The following GPC6 variants were observed in gnomAD, a reference collection of about 807,000 sequenced individuals.
The protein encoded by GPC6 is glypican 6.
A neutral mutation model predicts 55.2 loss-of-function variants in GPC6; 14 were observed. The observed-to-expected ratio is 0.25, with a 90% CI of 0.17 to 0.40. The LOEUF (loss-of-function observed/expected upper bound fraction) is 0.40. GPC6 is among the 10% of genes least tolerant of loss of function. The pLI, the probability that GPC6 is intolerant of heterozygous loss-of-function variation, is 1.00. For missense variants in GPC6, 641 were observed against 708.5 expected (o/e 0.90, Z 1.08); for synonymous variants, 278 against 259.6 (o/e 1.07, Z -0.68).
chr13:94,297,646 A>G (rs1315250002), intron 5 of GPC6, among the ~76,000 whole-genome samples: 5 of 152,232 alleles, frequency 3.3e-5, no homozygotes, highest in Non-Finnish European at 7.3e-5. Flanking sequence ...AATACATCCG[A>G]CAGATATTCT....
intron 1 of GPC6, among the ~76,000 whole-genome samples, chr13:93,481,380 G>A (rs369433496): frequency 6.6e-6 from 1 of 151,922 alleles, no homozygotes; most frequent in East Asian, 1.9e-4. Flanking sequence ...CTCTCATTCT[G>A]TGTATTGTCT....
At chr13:93,275,980 T>C (rs1197715951) in intron 1 of GPC6, among the ~76,000 whole-genome samples, 4 of 152,136 alleles carry the variant, frequency 2.6e-5, no homozygotes, top group Non-Finnish European at 5.9e-5. Context: ...GTTCACGCCA[T>C]TCTCCTGCCT....
At chr13:93,767,923 T>A (rs1340940607) in intron 2 of GPC6, among the ~76,000 whole-genome samples, 6 of 152,112 alleles carry the variant, frequency 3.9e-5, no homozygotes, top group Admixed American at 3.9e-4. Context: ...TCGTTTTTCT[T>A]TTTTCCCCCT....
At chr13:94,069,326 G>A (rs1884646996) in intron 4 of GPC6, among the ~76,000 whole-genome samples, 1 of 152,064 alleles carries the variant, frequency 6.6e-6, no homozygotes, top group Non-Finnish European at 1.5e-5. Context: ...CACACAACAT[G>A]GGGACCCTGG....
intron 4 of GPC6, among the ~76,000 whole-genome samples, chr13:94,097,523 A>AAAAAAAAG (rs1885710984): frequency 6.6e-6 from 1 of 151,752 alleles, no homozygotes; most frequent in African/African-American, 2.4e-5. Context: ...AAAAAAAAAA[A>AAAAAAAAG]AAAAAGAGGC....
intron 3 of GPC6, among the ~76,000 whole-genome samples, chr13:93,986,589 T>C (rs983297297): frequency 6.6e-6 from 1 of 152,168 alleles, no homozygotes; most frequent in African/African-American, 2.4e-5. Context: ...ATTATACATA[T>C]CCATTATCTA....
At chr13:94,266,026 A>T (rs1048524106) in intron 4 of GPC6, among the ~76,000 whole-genome samples, 2 of 152,074 alleles carry the variant, frequency 1.3e-5, no homozygotes, top group African/African-American at 4.8e-5. Flanking sequence ...TGCTCACTGG[A>T]TGTTTCCGCT....
intron 2 of GPC6, among the ~76,000 whole-genome samples, chr13:93,687,602 T>G (rs1405154994): frequency 6.6e-6 from 1 of 152,128 alleles, no homozygotes; most frequent in Non-Finnish European, 1.5e-5. Flanking sequence ...TTAATCTCTG[T>G]TGCTTAGCTT....
Position 93,901,648 on chromosome 13 carries a change from A to T in GPC6, c.711+71103A>T, listed in dbSNP as rs9589864. Among the ~76,000 whole-genome samples, 753 of 152,204 alleles carry T rather than the reference A, an allele frequency of 4.9e-3. 11 individuals are homozygous for T. Among genetic ancestry groups the T allele is most frequent in the African/African-American group, 0.017 (722 of 41,524 alleles). On this transcript the variant is annotated intron_variant, in intron 3 of 8. Coordinates refer to ENST00000377047, the MANE Select transcript of GPC6 (RefSeq NM_005708.5). ...CTGGGCACGGTGGTTCACGCCTGTA[A>T]TCCCAGCACTTTGGAAGGCAGAGGT... is the stretch of plus-strand genomic sequence containing the variant.
chr13:93,938,937 A>T (rs548857581), intron 3 of GPC6, among the ~76,000 whole-genome samples: 5 of 152,174 alleles, frequency 3.3e-5, no homozygotes, highest in Admixed American at 2.6e-4. Flanking sequence ...CCCCGTCTCT[A>T]CTAAAAATAC....
chr13:93,828,414 T>A (rs562811543), intron 2 of GPC6, among the ~76,000 whole-genome samples: 2 of 152,178 alleles, frequency 1.3e-5, no homozygotes, highest in East Asian at 1.9e-4. Flanking sequence ...ACTAGATAAC[T>A]AGCATTTTTG....
chr13:94,198,699 A>G (rs1021600117), intron 4 of GPC6, among the ~76,000 whole-genome samples: 1 of 152,170 alleles, frequency 6.6e-6, no homozygotes, highest in African/African-American at 2.4e-5. Context: ...TCTTTAGGGA[A>G]GTGTACTGTT....
At chr13:94,090,299 G>A (rs536000714) in intron 4 of GPC6, among the ~76,000 whole-genome samples, 75 of 152,118 alleles carry the variant, frequency 4.9e-4, no homozygotes, top group African/African-American at 1.7e-3. Context: ...ACCTCCCACC[G>A]GATCCCTCCC....
chr13:93,471,457 G>A (rs1195185916), intron 1 of GPC6, among the ~76,000 whole-genome samples: 5 of 152,050 alleles, frequency 3.3e-5, no homozygotes, highest in African/African-American at 1.2e-4. Context: ...ATGAACCTGG[G>A]AGGCAGAGCT....
At chr13:93,352,329 G>C (rs968316699) in intron 1 of GPC6, among the ~76,000 whole-genome samples, 2 of 152,034 alleles carry the variant, frequency 1.3e-5, no homozygotes, top group African/African-American at 4.8e-5. Context: ...TTAAAATTGA[G>C]CATTATACAC....
rs749178769 is a variant in GPC6, at chr13:93,466,396, T to C, written c.161-78867T>C. On this transcript the variant is annotated intron_variant, in intron 1 of 8. Coordinates refer to ENST00000377047, the MANE Select transcript of GPC6 (RefSeq NM_005708.5). ...TTTTTAACAGTCTTCTCAGCTGTTA[T>C]GTAAGCTCTCTGAAACATAGAAAAT... is the stretch of plus-strand genomic sequence containing the variant. Among the ~76,000 whole-genome samples, 55 of 152,360 alleles carry C rather than the reference T, an allele frequency of 3.6e-4. 1 individual carries two copies. The highest frequency in any genetic ancestry group is 3.4e-3 in the Middle Eastern group (1 of 294).
At chr13:93,380,642 C>T (rs1408227606) in intron 1 of GPC6, among the ~76,000 whole-genome samples, 1 of 151,930 alleles carries the variant, frequency 6.6e-6, no homozygotes, top group Admixed American at 6.6e-5. Flanking sequence ...AGAAAATAGC[C>T]AGTCACTGTC....
chr13:94,372,605 A>C (rs1879616057), intron 6 of GPC6, among the ~76,000 whole-genome samples: 1 of 152,110 alleles, frequency 6.6e-6, no homozygotes, highest in South Asian at 2.1e-4. Flanking sequence ...GCAGTCTGAG[A>C]TCAAACTGCA....
intron 4 of GPC6, among the ~76,000 whole-genome samples, chr13:94,040,303 C>T (rs900454921): frequency 2.0e-5 from 3 of 151,762 alleles, no homozygotes; most frequent in Non-Finnish European, 4.4e-5. Flanking sequence ...TTGTCACCAA[C>T]GAAAACACAA....
Sources: allele counts gnomAD v4.1 joint callset (sites outside exome capture counted in the v4.1 genomes callset), GRCh38; gene constraint gnomAD v4.1.1; transcripts MANE v1.5; gene names NCBI Gene and HGNC (gene_info 2026-07-23, HGNC 2026-07-21).